The following OPRM1 variants were observed in gnomAD, a reference collection of about 807,000 sequenced individuals.
OPRM1 encodes mu-type opioid receptor.
Under a neutral mutation model 31.8 loss-of-function variants are expected in OPRM1, and 27 were observed. The ratio of observed to expected loss-of-function variants is 0.85; its 90% CI spans 0.63 to 1.17. OPRM1 has a LOEUF of 1.17. OPRM1 is among the 50% of genes most tolerant of loss of function. OPRM1 has a pLI of 0.00. For synonymous variants in OPRM1, 196 were observed against 189.9 expected, an observed-to-expected ratio of 1.03 and a Z score of -0.26; for missense variants, 536 against 511.1, an observed-to-expected ratio of 1.05 and a Z score of -0.47.
intron 3 of OPRM1, among the ~76,000 whole-genome samples, chr6:154,186,970 A>G (rs942011728): frequency 1.3e-5 from 2 of 151,998 alleles, no homozygotes; most frequent in Non-Finnish European, 2.9e-5. Flanking sequence ...CACCGCCTAC[A>G]TGGCCCTACA....
chr6:154,031,034 C>T (rs1391640831), intron 1 of OPRM1, among the ~76,000 whole-genome samples: 2 of 152,016 alleles, frequency 1.3e-5, no homozygotes, highest in Non-Finnish European at 2.9e-5. Flanking sequence ...CTAAGTGTAA[C>T]TTAATTCTAA....
chr6:154,196,931 T>C (rs1769994510), intron 3 of OPRM1, among the ~76,000 whole-genome samples: 1 of 152,216 alleles, frequency 6.6e-6, no homozygotes, highest in Non-Finnish European at 1.5e-5. Flanking sequence ...ACAATTTTAA[T>C]TGCATACTAA....
At chr6:154,222,519 G>A (rs1039231452) in intron 3 of OPRM1, among the ~76,000 whole-genome samples, 1 of 152,226 alleles carries the variant, frequency 6.6e-6, no homozygotes, top group Non-Finnish European at 1.5e-5. Context: ...ATAGCAGACT[G>A]CTATCATGGG....
chr6:154,141,849 CAGTTCCCGGCT>C (rs2128538225), intron 3 of OPRM1, among the ~76,000 whole-genome samples: 1 of 141,202 alleles, frequency 7.1e-6, no homozygotes, highest in South Asian at 2.2e-4. Flanking sequence ...TTGCCCTAAG[CAGTTCCCGGCT>C]TGAATTTTCC....
rs1583640493 is a variant in OPRM1 at position 154,131,643 on chromosome 6, T to C, written c.*12922T>C. Reference sequence around the variant, plus strand: ...AACTGGTCATATTAAAATAAAAAAGTATAGAATAGTTTCTGTTTTACGGAT... The same window carrying C: ...AACTGGTCATATTAAAATAAAAAAGCATAGAATAGTTTCTGTTTTACGGAT... On this transcript the variant is annotated 3_prime_UTR_variant, in exon 4 of 4. Coordinates refer to ENST00000330432, the MANE Select transcript of OPRM1 (RefSeq NM_000914.5). 6.6e-6 allele frequency among the ~76,000 whole-genome samples: 1 copy of C among 152,186 alleles called. No individual in the cohort carries two copies. The highest frequency in any genetic ancestry group is 1.5e-5 in the Non-Finnish European group (1 of 68,030).
intron 3 of OPRM1, among the ~76,000 whole-genome samples, chr6:154,149,635 T>TAG (rs57957225): frequency 0.057 from 8,421 of 148,146 alleles, 751 homozygotes; most frequent in African/African-American, 0.19. Context: ...CGTGTGTGTG[T>TAG]AGAGAGAGAG....
At chr6:154,154,140 G>A (rs948325212) in intron 3 of OPRM1, among the ~76,000 whole-genome samples, 2 of 152,196 alleles carry the variant, frequency 1.3e-5, no homozygotes, top group African/African-American at 2.4e-5. Flanking sequence ...AACTGTGTGT[G>A]TAGACAGCAG....
At chr6:154,154,848 A>G (rs1798648091) in intron 3 of OPRM1, 1 of 152,594 alleles carries the variant, frequency 6.6e-6, no homozygotes, top group South Asian at 2.1e-4. Flanking sequence ...GTAAAACTTA[A>G]GCTAAGATTT....
intron 3 of OPRM1, among the ~76,000 whole-genome samples, chr6:154,240,522 G>GAAAAA (rs11394579): frequency 1.4e-5 from 2 of 146,504 alleles, no homozygotes; most frequent in Non-Finnish European, 3.0e-5. Context: ...TTCTTGAGCT[G>GAAAAA]AAAAAAAAAA....
At chr6:154,011,058 T>A in intron 1 of OPRM1, 2 of 1,288,736 alleles carry the variant, frequency 1.6e-6, no homozygotes, top group Non-Finnish European at 2.0e-6. Flanking sequence ...GAAATCCTTT[T>A]CATTGCATTT....
chr6:154,180,592 C>T (rs569812253), intron 3 of OPRM1, among the ~76,000 whole-genome samples: 1 of 152,034 alleles, frequency 6.6e-6, no homozygotes, highest in African/African-American at 2.4e-5. Flanking sequence ...AGGCATGCCC[C>T]AGTAGGCCCA....
chr6:154,053,719 C>G (rs1782645309), intron 1 of OPRM1, among the ~76,000 whole-genome samples: 1 of 152,178 alleles, frequency 6.6e-6, no homozygotes, highest in Admixed American at 6.5e-5. Context: ...GCCCTTTGAT[C>G]TGCCATGCTC....
At chr6:154,227,649 C>G (rs537303855) in intron 3 of OPRM1, among the ~76,000 whole-genome samples, 93 of 151,560 alleles carry the variant, frequency 6.1e-4, no homozygotes, top group African/African-American at 2.1e-3. Flanking sequence ...GCCCGGAGGT[C>G]GAGGCTGTCA....
intron 3 of OPRM1, among the ~76,000 whole-genome samples, chr6:154,233,841 G>T (rs1779908688): frequency 6.6e-6 from 1 of 152,156 alleles, no homozygotes; most frequent in Non-Finnish European, 1.5e-5. Context: ...TCTTTCACCT[G>T]TGCAGAGGTC....
In OPRM1 at chr6:154,039,674, C is replaced by T. The variant is rs1779627626; in HGVS notation, c.130C>T (p.Pro44Ser). The change falls in exon 1 of 4, where the codon CCA (proline) becomes TCA (serine). Residue 44 changes from proline (P) to serine (S), a missense_variant. Physicochemically the swap from Pro to Ser is moderately conservative, Grantham distance 74. Transcript: ENST00000330432. ...LSHLDGNLSD[P>S]CGPNRTDLGG... Reference sequence around the variant, plus strand: ...CCACTTAGATGGCAACCTGTCCGACCCATGCGGTCCGAACCGCACCGACCT... The same window carrying T: ...CCACTTAGATGGCAACCTGTCCGACTCATGCGGTCCGAACCGCACCGACCT... 1 of 1,613,920 alleles carries T rather than the reference C, an allele frequency of 6.2e-7. No individual in the cohort carries two copies. Among genetic ancestry groups the T allele is most frequent in the African/African-American group, 1.3e-5 (1 of 74,940 alleles).
chr6:154,081,197 T>C (rs919427455), intron 1 of OPRM1, among the ~76,000 whole-genome samples: 2 of 152,064 alleles, frequency 1.3e-5, no homozygotes. Flanking sequence ...GTTCAAACCA[T>C]GGATTGTAAG....
At position 154,127,721 on chromosome 6, in the gene OPRM1, C is replaced by T. The variant is rs74387349; in HGVS notation, c.*9000C>T. On this transcript the variant is annotated 3_prime_UTR_variant, in exon 4 of 4. Coordinates refer to ENST00000330432, the MANE Select transcript of OPRM1 (RefSeq NM_000914.5). ...CAATATCCTGACTAGCACAAGAAATCCATAGGTTGATTCTTGTTCTCCTGC... is the reference window on the plus strand; with the variant it reads ...CAATATCCTGACTAGCACAAGAAATTCATAGGTTGATTCTTGTTCTCCTGC... Among the ~76,000 whole-genome samples, 1,302 of 152,312 alleles carry T rather than the reference C, an allele frequency of 8.5e-3. 56 individuals carry two copies. The highest frequency in any genetic ancestry group is 0.067 in the Admixed American group (1,028 of 15,292).
intron 3 of OPRM1, among the ~76,000 whole-genome samples, chr6:154,225,014 G>C (rs1162414133): frequency 1.3e-5 from 2 of 152,028 alleles, no homozygotes; most frequent in African/African-American, 4.8e-5. Flanking sequence ...ACTATGTTAG[G>C]TCTCATCAAT....
At chr6:154,015,020 TCA>T (rs1777925810) in intron 1 of OPRM1, among the ~76,000 whole-genome samples, 5 of 146,818 alleles carry the variant, frequency 3.4e-5, no homozygotes, top group African/African-American at 1.2e-4. Context: ...AAAACACTCT[TCA>T]AAGACACAAA....
Sources: gnomAD v4.1 joint callset for allele counts (sites outside exome capture counted in the v4.1 genomes callset) on GRCh38, gnomAD v4.1.1 for gene constraint, MANE v1.5 for transcripts, NCBI Gene and HGNC (gene_info 2026-07-23, HGNC 2026-07-21) for gene names.